CYP2R1: variants seen among roughly 807,000 people sequenced by gnomAD.
CYP2R1 encodes cytochrome P450 family 2 subfamily R member 1.
CYP2R1 carries 40 observed loss-of-function variants against 45.7 expected under a neutral mutation model. The ratio of observed to expected loss-of-function variants is 0.87; its 90% CI spans 0.68 to 1.14. The LOEUF is 1.14. Ranked by LOEUF, CYP2R1 falls within the 50% of genes most tolerant of loss-of-function variation. The pLI, the probability that CYP2R1 is intolerant of heterozygous loss-of-function variation, is 0.00. For synonymous variants in CYP2R1, 234 were observed against 219.3 expected (o/e 1.07, Z -0.59); for missense variants, 605 against 602.6 (o/e 1.00, Z -0.04).
intron 2 of CYP2R1, among the ~76,000 whole-genome samples, chr11:14,882,094 T>A (rs149100711): frequency 2.0e-5 from 3 of 152,124 alleles, no homozygotes; most frequent in African/African-American, 7.2e-5. Context: ...CCATTCTTTT[T>A]TCTATACTCC....
In CYP2R1 at chr11:14,879,446, G is replaced by A; in HGVS notation, c.1001-3C>T. The A allele has an allele frequency of 6.3e-7, 1 of 1,595,778 alleles. No homozygotes were observed. Among genetic ancestry groups the A allele is most frequent in the African/African-American group, 1.3e-5 (1 of 74,896 alleles). On this transcript the variant is annotated splice_polypyrimidine_tract_variant and splice_region_variant and intron_variant, in intron 3 of 4. Transcript: ENST00000334636. ...ATCAATCTCTTTCTGAACTTGTCCT[G>A]TCAGAGAAAAAGTATTCAAGTTATT...
At chr11:14,892,380 G>A (rs533135263), upstream of CYP2R1, 1 of 643,918 alleles carries the variant, frequency 1.6e-6, no homozygotes, top group Non-Finnish European at 2.7e-6. Context: ...AGTTTTGCGC[G>A]GCTGAGAGTG....
upstream of CYP2R1, among the ~76,000 whole-genome samples, chr11:14,892,403 C>CG (rs1175055716): frequency 6.6e-6 from 1 of 152,180 alleles, no homozygotes; most frequent in Non-Finnish European, 1.5e-5. Flanking sequence ...CTTTGCGGAG[C>CG]GGGTGGCCGG....
At position 14,892,019 on chromosome 11, in the gene CYP2R1, G is replaced by A. The variant is rs781835047; in HGVS notation, c.187C>T (p.His63Tyr). 8.1e-6 allele frequency: 13 copies of A among 1,613,200 alleles called. No homozygotes were observed. In the South Asian group the frequency reaches 1.3e-4, roughly 16 times the overall value. The change falls in exon 1 of 5, where the codon CAT becomes TAT. Residue 63 changes from histidine to tyrosine, a missense_variant. Physicochemically the swap from His to Tyr is moderately conservative, Grantham distance 83 (BLOSUM62 2). Coordinates refer to ENST00000334636, the MANE Select transcript of CYP2R1 (RefSeq NM_024514.5). ...TGGCTCTGCTTTCTCATGTAGACAT[G>A]GGGAAGCTCGGATGAGGCTGCCAGG... ...YSLAASSELP[H>Y]VYMRKQSQVY...
chr11:14,887,200 C>T (rs1415026705), intron 1 of CYP2R1: 1 of 152,172 alleles, frequency 6.6e-6, no homozygotes, highest in Admixed American at 6.5e-5. Context: ...AGTAAAAGAG[C>T]CATGAACTTA....
intron 1 of CYP2R1, chr11:14,887,338 G>GT (rs1264739104): frequency 6.6e-6 from 1 of 152,394 alleles, no homozygotes; most frequent in Admixed American, 6.5e-5. Flanking sequence ...TGAGAAAGTT[G>GT]TTACACAATC....
intron 2 of CYP2R1, among the ~76,000 whole-genome samples, chr11:14,883,069 G>C (rs1437392944): frequency 6.6e-6 from 1 of 152,212 alleles, no homozygotes; most frequent in African/African-American, 2.4e-5. Flanking sequence ...CCATGCTCAT[G>C]GGTAGGAGGA....
Position 14,880,690 on chromosome 11 carries a change from T to C in CYP2R1, c.446A>G (p.Tyr149Cys). The change falls in exon 3 of 5, where the codon TAT becomes TGT. Residue 149 changes from tyrosine (Y) to cysteine (C), a missense_variant. Tyr to Cys is a radical substitution (Grantham distance 194). Transcript: ENST00000334636. ...TTTAGATTCAAAAGACTTTTGGCCA[T>C]ATCCAAAATATCGAAAACTGTTTAC... ...LAVNSFRYFG[Y>C]GQKSFESKIL... is the part of the protein sequence containing the mutation. The C allele has an allele frequency of 1.3e-6, 2 of 1,595,926 alleles. No individual in the cohort carries two copies. The highest frequency in any genetic ancestry group is 2.2e-5 in the East Asian group (1 of 44,780).
Position 14,891,042 on chromosome 11 carries a change from A to G in CYP2R1, c.225+939T>C, listed in dbSNP as rs1226823501. The G allele has an allele frequency of 4.1e-6, 4 of 985,292 alleles. No individual in the cohort carries two copies. In the Admixed American group the frequency reaches 1.8e-4, roughly 45 times the overall value. The allele number at this position is 985,292 out of a possible 1,614,324, so 61.0% of individuals were successfully genotyped here. ...GGCTGTATCTGCCTTCTTCACCGCT[A>G]GCGTCAGGCCTGTAGTTGCATATAA... is the stretch of plus-strand genomic sequence containing the variant. On this transcript the variant is annotated intron_variant, in intron 1 of 4. Transcript: ENST00000334636.
At chr11:14,887,475 T>C (rs1848664962) in intron 1 of CYP2R1, 1 of 539,478 alleles carries the variant, frequency 1.9e-6, no homozygotes, top group South Asian at 8.1e-5. Context: ...GTGACTCAAA[T>C]TGTGAAAACT....
chr11:14,883,121 T>C (rs1230615354), intron 2 of CYP2R1, among the ~76,000 whole-genome samples: 5 of 152,156 alleles, frequency 3.3e-5, no homozygotes, highest in Admixed American at 2.0e-4. Context: ...AGGTAATTTA[T>C]AGATTCAATG....
intron 2 of CYP2R1, among the ~76,000 whole-genome samples, chr11:14,882,473 A>G (rs1590218612): frequency 6.6e-6 from 1 of 152,258 alleles, no homozygotes; most frequent in South Asian, 2.1e-4. Flanking sequence ...CACATGGGAT[A>G]TATACACAAG....
intron 2 of CYP2R1, among the ~76,000 whole-genome samples, chr11:14,884,942 A>T (rs1848555525): frequency 6.6e-6 from 1 of 151,986 alleles, no homozygotes; most frequent in African/African-American, 2.4e-5. Flanking sequence ...TACTGCTTTC[A>T]AGTATCATTA....
At chr11:14,891,320 G>A in intron 1 of CYP2R1, 1 of 985,406 alleles carries the variant, frequency 1.0e-6, no homozygotes, top group South Asian at 4.7e-5. Flanking sequence ...CGCCTTTTAA[G>A]TATCTGCTAA....
At position 14,879,126 on chromosome 11, in the gene CYP2R1, G is replaced by T. The variant is rs782688989; in HGVS notation, c.1318C>A (p.Pro440Thr). 4.3e-6 allele frequency: 7 copies of T among 1,612,956 alleles called. No homozygotes were observed. The highest frequency in any genetic ancestry group is 5.9e-6 in the Non-Finnish European group (7 of 1,179,344). The change falls in exon 4 of 5, where the codon CCT (proline) becomes ACT (threonine). Residue 440 changes from proline (P) to threonine (T), a missense_variant. Physicochemically the swap from Pro to Thr is conservative, Grantham distance 38. Coordinates refer to ENST00000334636, the MANE Select transcript of CYP2R1 (RefSeq NM_024514.5). ...GYFAKKEALV[P>T]FSLGRRHCLG... Reference sequence around the variant, plus strand: ...AAAGTTCTCTTACCTAGGGAAAAAGGAACCAAAGCTTCCTTCTTGGCAAAA... The same window carrying T: ...AAAGTTCTCTTACCTAGGGAAAAAGTAACCAAAGCTTCCTTCTTGGCAAAA...
intron 3 of CYP2R1, 88 bp from the exon 4 acceptor site, chr11:14,879,531 C>T: frequency 9.5e-7 from 1 of 1,056,114 alleles, no homozygotes; most frequent in Non-Finnish European, 1.4e-6. Context: ...AAAGGATAAC[C>T]TATAACAAGC....
rs551209190 is a variant in CYP2R1, at chr11:14,882,499, A to G, written c.368-1731T>C. The stretch of plus-strand genomic sequence containing the variant: ...TATACACAAGAAGGTACAGAGGAGC[A>G]CTGTTTATAAAAACCCTACACTGGC... On this transcript the variant is annotated intron_variant, in intron 2 of 4. Transcript: ENST00000334636. 1.4e-4 allele frequency among the ~76,000 whole-genome samples: 21 copies of G among 152,238 alleles called. 1 individual carries two copies. In the South Asian group the frequency reaches 3.9e-3, roughly 29 times the overall value.
intron 1 of CYP2R1, 31 bp downstream of exon 1, chr11:14,891,950 C>T (rs782610932): frequency 1.9e-6 from 3 of 1,606,864 alleles, no homozygotes; most frequent in Non-Finnish European, 2.5e-6. Context: ...GCCTGGCGGC[C>T]CTCCCTGCCC....
At position 14,878,276 on chromosome 11, in the gene CYP2R1, T is replaced by C; in HGVS notation, c.1352A>G (p.Glu451Gly). The change falls in exon 5 of 5, where the codon GAA (glutamate) becomes GGA (glycine). Residue 451 changes from glutamate (E) to glycine (G), a missense_variant. Coordinates refer to ENST00000334636, the MANE Select transcript of CYP2R1 (RefSeq NM_024514.5). ...GAACATTTCCATCCGAGCCAAGTGT[T>C]CTCCAAGACAATGTCTTCTTCCTAA... is the stretch of plus-strand genomic sequence containing the variant. ...FSLGRRHCLG[E>G]HLARMEMFLF... is the part of the protein sequence containing the mutation. 1 of 1,613,008 alleles carries C rather than the reference T, an allele frequency of 6.2e-7. No homozygotes were observed. Among genetic ancestry groups the C allele is most frequent in the Non-Finnish European group, 8.5e-7 (1 of 1,179,346 alleles).
Sources: allele counts gnomAD v4.1 joint callset (sites outside exome capture counted in the v4.1 genomes callset), GRCh38; gene constraint gnomAD v4.1.1; transcripts MANE v1.5; gene names NCBI Gene and HGNC (gene_info 2026-07-23, HGNC 2026-07-21).